The following VTI1A variants were observed in gnomAD, a reference collection of about 807,000 sequenced individuals.
VTI1A encodes the protein vesicle transport through interaction with t-SNAREs homolog 1A.
Under a neutral mutation model 34.9 loss-of-function variants are expected in VTI1A, and 22 were observed. That is an observed-to-expected ratio of 0.63 (90% CI 0.45 to 0.90). The LOEUF is 0.90. VTI1A is among the 40% of genes least tolerant of loss of function. The pLI is 0.00. For missense variants in VTI1A, 268 were observed against 275.6 expected (o/e 0.97, Z 0.20); for synonymous variants, 87 against 97.3 (o/e 0.89, Z 0.62).
intron 5 of VTI1A, among the ~76,000 whole-genome samples, chr10:112,656,035 C>T (rs1484181759): frequency 6.6e-6 from 1 of 152,180 alleles, no homozygotes; most frequent in Non-Finnish European, 1.5e-5. Context: ...AGAGCACTAG[C>T]TGGAAGCTGA....
chr10:112,705,670 T>A (rs79007922), intron 7 of VTI1A, among the ~76,000 whole-genome samples: 12,942 of 152,242 alleles, frequency 0.085, 1,033 homozygotes, highest in East Asian at 0.28. Flanking sequence ...GGAAATGTCC[T>A]TCTTAGCTTT....
intron 3 of VTI1A, among the ~76,000 whole-genome samples, chr10:112,521,881 T>C (rs1166577612): frequency 6.6e-6 from 1 of 151,994 alleles, no homozygotes; most frequent in Non-Finnish European, 1.5e-5. Flanking sequence ...CTGTCCTGGA[T>C]TGATGAGCCT....
At chr10:112,572,634 C>G (rs966163597) in intron 5 of VTI1A, among the ~76,000 whole-genome samples, 5 of 151,968 alleles carry the variant, frequency 3.3e-5, no homozygotes, top group Admixed American at 3.3e-4. Flanking sequence ...GTCAGGAGAT[C>G]GAGACCATCT....
At chr10:112,852,342 C>A in the VTI1A span, among the ~76,000 whole-genome samples, 2 of 152,202 alleles carry the variant, frequency 1.3e-5, no homozygotes, top group African/African-American at 4.8e-5. Context: ...CATTTTCCCA[C>A]GTTGAGAAAG....
intron 5 of VTI1A, among the ~76,000 whole-genome samples, chr10:112,640,076 T>C (rs1846510246): frequency 6.6e-6 from 1 of 152,158 alleles, no homozygotes; most frequent in Non-Finnish European, 1.5e-5. Flanking sequence ...AAATATGAAA[T>C]TATTTTTCTT....
rs935800807 is a variant in VTI1A at position 112,815,468 on chromosome 10, G to A, written c.*85G>A. 9.3e-5 allele frequency: 115 copies of A among 1,231,326 alleles called. 1 individual carries two copies. The highest frequency in any genetic ancestry group is 8.9e-5 in the African/African-American group (6 of 67,532). The allele number at this position is 1,231,326 out of a possible 1,614,324, so 76.3% of individuals were successfully genotyped here. On this transcript the variant is annotated 3_prime_UTR_variant, in exon 8 of 8. Coordinates refer to ENST00000393077, the MANE Select transcript of VTI1A (RefSeq NM_145206.4). The stretch of plus-strand genomic sequence containing the variant: ...ATGGTCACATGAATCATTCTGTTGC[G>A]CTGACAGGCCCCAGGTGACCCTCTC...
At position 112,620,838 on chromosome 10, in the gene VTI1A, C is replaced by G. The variant is rs569734429; in HGVS notation, c.428-47380C>G. On this transcript the variant is annotated intron_variant, in intron 5 of 7. Transcript: ENST00000393077. ...AGAAAAAAGAAATTTTGAACCATGGCCAAGAGATAGGAGAATTCAGAGATA... is the reference window on the plus strand; with the variant it reads ...AGAAAAAAGAAATTTTGAACCATGGGCAAGAGATAGGAGAATTCAGAGATA... Among the ~76,000 whole-genome samples the G allele has an allele frequency of 1.1e-4, 17 of 151,622 alleles. No individual in the cohort carries two copies. The East Asian group carries it at 3.3e-3, about 29-fold the overall frequency.
Position 112,816,768 on chromosome 10 carries a change from C to T in VTI1A, c.*1385C>T, listed in dbSNP as rs889499576. 4.4e-6 allele frequency: 1 copy of T among 228,006 alleles called. No homozygotes were observed. The highest frequency in any genetic ancestry group is 5.7e-5 in the Admixed American group (1 of 17,616). 14.1% of individuals were successfully genotyped at this position (228,006 alleles called of 1,614,324 possible). A position where few individuals can be genotyped will look rare whatever the true frequency, so the allele number is the denominator to read the frequency against. Reference sequence around the variant, plus strand: ...TGTTCTCTTCATCAAAAATGCTAACCACCTGTGCCCGTGGATCAATATCAC... The same window carrying T: ...TGTTCTCTTCATCAAAAATGCTAACTACCTGTGCCCGTGGATCAATATCAC... On this transcript the variant is annotated 3_prime_UTR_variant, in exon 8 of 8. Coordinates refer to ENST00000393077, the MANE Select transcript of VTI1A (RefSeq NM_145206.4).
chr10:112,458,644 A>G (rs566145542), intron 1 of VTI1A, among the ~76,000 whole-genome samples: 1 of 148,942 alleles, frequency 6.7e-6, no homozygotes, highest in Non-Finnish European at 1.5e-5. Context: ...AATTATATAT[A>G]TATTTTTATT....
At chr10:112,447,001 G>A (rs576600613), upstream of VTI1A, 33 of 282,840 alleles carry the variant, frequency 1.2e-4, no homozygotes, top group South Asian at 1.5e-3. Flanking sequence ...AAGCTGCTGT[G>A]CCTTGTAGCG....
At chr10:112,737,213 G>A in intron 7 of VTI1A, 5 of 619,076 alleles carry the variant, frequency 8.1e-6, no homozygotes, top group Non-Finnish European at 1.0e-5. Flanking sequence ...TGGGACTACA[G>A]GCACACACCA....
At chr10:112,546,071 T>TATACGTGTATACGCGTATGTGTGTGC (rs1564821520) in intron 5 of VTI1A, among the ~76,000 whole-genome samples, 1 of 148,174 alleles carries the variant, frequency 6.7e-6, no homozygotes, top group Non-Finnish European at 1.5e-5. Flanking sequence ...TATGTGTGTG[T>TATACGTGTATACGCGTATGTGTGTGC]ATATACGTGT....
At chr10:112,514,236 G>T (rs1849702160) in intron 3 of VTI1A, among the ~76,000 whole-genome samples, 1 of 151,780 alleles carries the variant, frequency 6.6e-6, no homozygotes, top group Non-Finnish European at 1.5e-5. Context: ...CTTCAGTCTT[G>T]GTAGGCTATA....
chr10:112,724,568 C>T (rs967423595), intron 7 of VTI1A, among the ~76,000 whole-genome samples: 2 of 152,018 alleles, frequency 1.3e-5, no homozygotes, highest in Non-Finnish European at 2.9e-5. Flanking sequence ...ATTGCTCTTT[C>T]CCCGTGAATT....
chr10:112,820,470 C>T (rs1853633413), downstream of VTI1A, among the ~76,000 whole-genome samples: 1 of 152,234 alleles, frequency 6.6e-6, no homozygotes. Context: ...CAGACTCAGA[C>T]CAGTGGCACC....
the VTI1A span, among the ~76,000 whole-genome samples, chr10:112,829,907 T>G: frequency 6.6e-6 from 1 of 152,216 alleles, no homozygotes; most frequent in African/African-American, 2.4e-5. Context: ...ATTCAGTCTG[T>G]GCACAATGCT....
chr10:112,467,107 A>G (rs1377688524), intron 3 of VTI1A, among the ~76,000 whole-genome samples: 2 of 152,152 alleles, frequency 1.3e-5, no homozygotes, highest in African/African-American at 2.4e-5. Flanking sequence ...AAGAGACACA[A>G]TTCAGTTCAT....
At chr10:112,599,343 C>G (rs1844795938) in intron 5 of VTI1A, among the ~76,000 whole-genome samples, 1 of 152,096 alleles carries the variant, frequency 6.6e-6, no homozygotes. Context: ...TGGTGCAGGC[C>G]AATTGGACAG....
At chr10:112,653,782 T>C (rs1847125795) in intron 5 of VTI1A, among the ~76,000 whole-genome samples, 1 of 152,250 alleles carries the variant, frequency 6.6e-6, no homozygotes, top group Non-Finnish European at 1.5e-5. Context: ...GGATATATAC[T>C]GAATGTATGC....
Sources: gnomAD v4.1 joint callset for allele counts (sites outside exome capture counted in the v4.1 genomes callset) on GRCh38, gnomAD v4.1.1 for gene constraint, MANE v1.5 for transcripts, NCBI Gene and HGNC (gene_info 2026-07-23, HGNC 2026-07-21) for gene names.